Variants in ATG9A observed in about 807,000 individuals in gnomAD.
ATG9A encodes autophagy-related protein 9A.
Under a neutral mutation model 87.1 loss-of-function variants are expected in ATG9A, and 21 were observed. The observed-to-expected ratio is 0.24, with a 90% CI of 0.17 to 0.35. The LOEUF is 0.35. Among genes scored for constraint, ATG9A ranks in the 10% least tolerant of loss-of-function variants. The probability of loss-of-function intolerance (pLI) is 1.00; values close to 1 mark genes in which losing one functional copy is unlikely to be tolerated. For missense variants in ATG9A, 836 were observed against 1,107.3 expected (o/e 0.76, Z 3.48); for synonymous variants, 422 against 441.3 (o/e 0.96, Z 0.55).
chr2:219,221,261 T>C lies in ATG9A; in HGVS notation c.2187A>G (p.Val729=), dbSNP rs1250275018. 6.4e-7 allele frequency: 1 copy of C among 1,572,926 alleles called. No homozygotes were observed. Among genetic ancestry groups the C allele is most frequent in the Non-Finnish European group, 8.6e-7 (1 of 1,160,658 alleles). The change falls in exon 14 of 16, where the codon GTA becomes GTG. Residue 729 remains valine, a synonymous_variant. Transcript: ENST00000361242. ...TCTCATCACTCTCCCGGCGGTGCCATACATGCCGCTCAGGTTCAGCCTGGG... is the reference window on the plus strand; with the variant it reads ...TCTCATCACTCTCCCGGCGGTGCCACACATGCCGCTCAGGTTCAGCCTGGG... ...QQAQAEPERH[V]WHRRESDESG... is the part of the protein sequence containing the mutation.
At chr2:219,226,501 T>C (rs1950863825) in intron 5 of ATG9A, among the ~76,000 whole-genome samples, 1 of 149,682 alleles carries the variant, frequency 6.7e-6, no homozygotes, top group Admixed American at 6.8e-5. Flanking sequence ...CCTGGCCAAC[T>C]TGGTGAAATC....
Position 219,221,098 on chromosome 2 carries a change from G to A in ATG9A, c.2350C>T (p.Arg784Cys), listed in dbSNP as rs776035970. Residue 784 changes from arginine to cysteine, a missense_variant, in exon 14 of 16, where the codon CGC (arginine) becomes TGC (cysteine). Transcript: ENST00000361242. ...TGGATACCTGTGATGCCACCGTAGC[G>A]CCTCTGGAAGCCCCCATGCAGGGCA... ...TTALHGGFQR[R>C]YGGITDPGTV... 11 of 1,612,964 alleles carry A rather than the reference G, an allele frequency of 6.8e-6. No individual in the cohort carries two copies. In the East Asian group the frequency reaches 8.9e-5, roughly 13 times the overall value.
At chr2:219,227,036 C>T (rs1204463844) in intron 4 of ATG9A, 103 bp from the exon 5 acceptor site, 4 of 961,818 alleles carry the variant, frequency 4.2e-6, no homozygotes, top group South Asian at 4.0e-5. Flanking sequence ...GACTTTCTAG[C>T]TGTGTGACTT....
chr2:219,227,145 G>A (rs956123950), intron 4 of ATG9A, among the ~76,000 whole-genome samples: 9 of 152,230 alleles, frequency 5.9e-5, no homozygotes, highest in African/African-American at 2.2e-4. Context: ...CTAAGATAAT[G>A]CATGTAAAGC....
At chr2:219,225,683 G>T in intron 5 of ATG9A, 111 bp from the exon 6 acceptor site, 3 of 1,244,712 alleles carry the variant, frequency 2.4e-6, no homozygotes, top group Non-Finnish European at 3.3e-6. Flanking sequence ...AACTGGAAGG[G>T]CCTGGAGAAC....
chr2:219,226,427 A>G (rs1454334873), intron 5 of ATG9A, among the ~76,000 whole-genome samples: 3 of 152,098 alleles, frequency 2.0e-5, no homozygotes, highest in African/African-American at 7.2e-5. Context: ...GCTCATGCCT[A>G]TAATCCCGGC....
chr2:219,220,634 G>A (rs1449336322), intron 15 of ATG9A, 113 bp downstream of exon 15: 2 of 1,500,588 alleles, frequency 1.3e-6, no homozygotes, highest in Non-Finnish European at 9.1e-7. Context: ...TGGAAGGGAG[G>A]GTACAGTATC....
rs375326262 is a variant in ATG9A at position 219,222,362 on chromosome 2, G to A, written c.1937C>T (p.Ala646Val). Reference protein sequence around the residue: ...PRDLQGSRHRAEVASALRSFS... With the variant: ...PRDLQGSRHRVEVASALRSFS... The stretch of plus-strand genomic sequence containing the variant: ...GGAGCGCAGGGCAGAGGCGACTTCA[G>A]CCCTGTGCCTGGAGCCCTGCAGGTC... Residue 646 changes from alanine to valine, a missense_variant, in exon 12 of 16, where the codon GCT becomes GTT. Transcript: ENST00000361242. This position sits in a 1 kb window ranked among gnomAD's most constrained non-coding sequence, Gnocchi z 4.3. 9.3e-6 allele frequency: 15 copies of A among 1,612,452 alleles called. No homozygotes were observed. In the African/African-American group the frequency reaches 9.3e-5, roughly 10 times the overall value.
At position 219,223,856 on chromosome 2, in the gene ATG9A, C is replaced by T. The variant is rs903159358; in HGVS notation, c.1419+13G>A. The T allele has an allele frequency of 1.9e-6, 3 of 1,614,126 alleles. No homozygotes were observed. The South Asian group carries it at 3.3e-5, about 18-fold the overall frequency. ...GCCAGTCTCTAGCAGGCCCTAACTC[C>T]AACTCCACTCACTGCCTTGTACTGG... is the stretch of plus-strand genomic sequence containing the variant. On this transcript the variant is annotated intron_variant, in intron 9 of 15. Transcript: ENST00000361242. The surrounding 1 kb of genome is among the most constrained non-coding windows in gnomAD (Gnocchi z 4.7).
intron 13 of ATG9A, among the ~76,000 whole-genome samples, 169 bp downstream of exon 13, chr2:219,221,881 G>C (rs998410874): frequency 1.3e-5 from 2 of 152,172 alleles, no homozygotes; most frequent in Non-Finnish European, 2.9e-5. Flanking sequence ...GGGAAACTGC[G>C]AGTGTGTGAA....
intron 4 of ATG9A, among the ~76,000 whole-genome samples, chr2:219,227,415 A>T (rs373546612): frequency 6.6e-6 from 1 of 152,112 alleles, no homozygotes; most frequent in East Asian, 1.9e-4. Context: ...TACGTGGGAG[A>T]CTGAGGCAGG....
At position 219,224,679 on chromosome 2, in the gene ATG9A, C is replaced by T. The variant is rs374721400; in HGVS notation, c.692G>A (p.Arg231His). The T allele has an allele frequency of 2.0e-4, 319 of 1,614,178 alleles. No homozygotes were observed. The highest frequency in any genetic ancestry group is 3.4e-4 in the South Asian group (31 of 91,090). ...ALVNKSLLPLRFRLPGLGEAV... is the reference protein window; with the variant it reads ...ALVNKSLLPLHFRLPGLGEAV... ...TTCCCCGAGGCCAGGCAGGCGGAAG[C>T]GCAGAGGCAGGAGGGATTTGTTAAC... Residue 231 changes from arginine to histidine, a missense_variant, in exon 8 of 16, where the codon CGC becomes CAC. By Grantham distance (29) the Arg-to-His change is conservative. Transcript: ENST00000361242. The surrounding 1 kb of genome is among the most constrained non-coding windows in gnomAD (Gnocchi z 7.7).
Position 219,226,852 on chromosome 2 carries a change from T to C in ATG9A, c.212+17A>G. 1.2e-6 allele frequency: 2 copies of C among 1,603,098 alleles called. No homozygotes were observed. Among genetic ancestry groups the C allele is most frequent in the Non-Finnish European group, 1.7e-6 (2 of 1,169,914 alleles). On this transcript the variant is annotated intron_variant, in intron 5 of 15. Transcript: ENST00000361242. ...ATGTATTCTTTCACCACATCATCTGTCCCTTCTTATACTTACATGAGCTCA... is the reference window on the plus strand; with the variant it reads ...ATGTATTCTTTCACCACATCATCTGCCCCTTCTTATACTTACATGAGCTCA...
chr2:219,222,977 C>A lies in ATG9A; in HGVS notation c.1600-84G>T. 3 of 1,552,742 alleles carry A rather than the reference C, an allele frequency of 1.9e-6. No individual in the cohort carries two copies. Among genetic ancestry groups the A allele is most frequent in the East Asian group, 2.3e-5 (1 of 44,138 alleles). ...TTTCCTGTTAGTGGGGAGGCCTTACCCTTGGAGAACGGAGACCACAGTATA... is the reference window on the plus strand; with the variant it reads ...TTTCCTGTTAGTGGGGAGGCCTTACACTTGGAGAACGGAGACCACAGTATA... On this transcript the variant is annotated intron_variant, in intron 10 of 15. Coordinates refer to ENST00000361242, the MANE Select transcript of ATG9A (RefSeq NM_001077198.3). This position sits in a 1 kb window ranked among gnomAD's most constrained non-coding sequence, Gnocchi z 4.3.
intron 6 of ATG9A, 32 bp downstream of exon 6, chr2:219,225,379 G>C (rs778306686): frequency 6.2e-7 from 1 of 1,610,672 alleles, no homozygotes; most frequent in Non-Finnish European, 8.5e-7. Flanking sequence ...AGAACTCAAG[G>C]CTATGGTGTC....
At position 219,225,598 on chromosome 2, in the gene ATG9A, A is replaced by C. The variant is rs746945623; in HGVS notation, c.213-26T>G. The stretch of plus-strand genomic sequence containing the variant: ...CTGGGGAGTTGGGAAGAAGGGGTGC[A>C]GTCTGAGAGCCAGAGAGGCTCCAGT... On this transcript the variant is annotated intron_variant, in intron 5 of 15. Transcript: ENST00000361242. 20 of 1,610,944 alleles carry C rather than the reference A, an allele frequency of 1.2e-5. 1 individual carries two copies. In the South Asian group the frequency reaches 2.2e-4, roughly 18 times the overall value.
intron 2 of ATG9A, 112 bp downstream of exon 2, chr2:219,228,322 A>C (rs894056057): frequency 5.1e-6 from 2 of 390,972 alleles, no homozygotes; most frequent in East Asian, 4.4e-5. Flanking sequence ...TCTTCTATTT[A>C]ACGGACAGAA....
intron 13 of ATG9A, 134 bp from the exon 14 acceptor site, chr2:219,221,436 T>A: frequency 1.4e-6 from 1 of 736,174 alleles, no homozygotes; most frequent in Non-Finnish European, 2.2e-6. Context: ...CCTATTATGT[T>A]AATAGTGTGT....
In ATG9A at chr2:219,220,164, T is replaced by TG; in HGVS notation, c.*282dup. 1 of 489,722 alleles carries TG rather than the reference T, an allele frequency of 2.0e-6. No individual in the cohort carries two copies. The highest frequency in any genetic ancestry group is 3.1e-5 in the East Asian group (1 of 32,278). 30.3% of individuals were successfully genotyped at this position (489,722 alleles called of 1,614,324 possible). A position where few individuals can be genotyped will look rare whatever the true frequency, so the allele number is the denominator to read the frequency against. On this transcript the variant is annotated 3_prime_UTR_variant, in exon 16 of 16. Coordinates refer to ENST00000361242, the MANE Select transcript of ATG9A (RefSeq NM_001077198.3). ...GGGGTAGGTGTAAAGGTGGCAGTAC[T>TG]GGGGCTGGGCTGGGGGCCAGTTTCT...
Sources: allele counts gnomAD v4.1 joint callset (sites outside exome capture counted in the v4.1 genomes callset), GRCh38; gene constraint gnomAD v4.1.1; non-coding constraint Gnocchi (gnomAD v3.1); transcripts MANE v1.5; gene names NCBI Gene and HGNC (gene_info 2026-07-23, HGNC 2026-07-21).